Variants in GARIN2 observed in about 807,000 individuals in gnomAD.
The protein encoded by GARIN2 is golgi associated RAB2 interactor family member 2, also known as Golgi-associated RAB2 interactor protein 2.
the GARIN2 span, among the ~76,000 whole-genome samples, chr14:67,192,680 T>A: frequency 9.2e-5 from 14 of 151,888 alleles, no homozygotes; most frequent in East Asian, 2.7e-3. Context: ...ATGTTCCAAA[T>A]AGCTTGACAC....
the GARIN2 span, chr14:67,227,537 A>G: frequency 6.6e-6 from 1 of 151,930 alleles, no homozygotes; most frequent in Non-Finnish European, 1.5e-5. Flanking sequence ...TTTTAATGGT[A>G]GAAAAAGTTA....
chr14:67,203,138 C>T, the GARIN2 span: 1 of 1,613,858 alleles, frequency 6.2e-7, no homozygotes, highest in Non-Finnish European at 8.5e-7. Flanking sequence ...ACCGAGCCAA[C>T]TGGGTGACCG....
chr14:67,213,412 G>A, the GARIN2 span, among the ~76,000 whole-genome samples: 1 of 143,736 alleles, frequency 7.0e-6, no homozygotes, highest in Non-Finnish European at 1.5e-5. Context: ...AGAATATGCG[G>A]TGTTTGGTTT....
At chr14:67,199,291 CAGA>C in the GARIN2 span, 6 of 1,604,506 alleles carry the variant, frequency 3.7e-6, no homozygotes, top group Non-Finnish European at 4.3e-6. Context: ...TGAACATGAT[CAGA>C]CTCTATGGGA....
At chr14:67,206,373 G>A in the GARIN2 span, among the ~76,000 whole-genome samples, 2 of 152,160 alleles carry the variant, frequency 1.3e-5, no homozygotes, top group Non-Finnish European at 2.9e-5. Flanking sequence ...GTGGGTGCCT[G>A]TAATCCCAGC....
chr14:67,201,884 C>G, the GARIN2 span: 1 of 179,460 alleles, frequency 5.6e-6, no homozygotes, highest in African/African-American at 2.4e-5. Context: ...GCCCATCCTC[C>G]AGTCTCTTCT....
chr14:67,222,800 A>G, the GARIN2 span, among the ~76,000 whole-genome samples: 1 of 152,300 alleles, frequency 6.6e-6, no homozygotes, highest in South Asian at 2.1e-4. Flanking sequence ...AGCTTCAGTC[A>G]TGCACATAAA....
At chr14:67,199,062 A>G in the GARIN2 span, 3 of 827,386 alleles carry the variant, frequency 3.6e-6, no homozygotes, top group East Asian at 2.5e-5. Flanking sequence ...CTCTTTTGCC[A>G]TGGCTACCAG....
chr14:67,203,718 G>A, the GARIN2 span, among the ~76,000 whole-genome samples: 3 of 151,990 alleles, frequency 2.0e-5, no homozygotes, highest in East Asian at 1.9e-4. Flanking sequence ...ACATTCTGAC[G>A]TGTTTTGTTT....
chr14:67,221,731 T>A, the GARIN2 span: 20 of 1,606,484 alleles, frequency 1.2e-5, no homozygotes, highest in Non-Finnish European at 1.6e-5. Flanking sequence ...TTCTAAATAT[T>A]TGTGGTTATG....
chr14:67,219,117 T>G, the GARIN2 span, among the ~76,000 whole-genome samples: 1 of 152,020 alleles, frequency 6.6e-6, no homozygotes, highest in African/African-American at 2.4e-5. Context: ...GAGTAGGAAG[T>G]GCATACCTTG....
chr14:67,196,223 C>CTTTTTTTTTTTTTTTTTTT, the GARIN2 span, among the ~76,000 whole-genome samples: 1 of 143,118 alleles, frequency 7.0e-6, no homozygotes, highest in African/African-American at 2.6e-5. Flanking sequence ...TTCTTTCTTT[C>CTTTTTTTTTTTTTTTTTTT]TTTTTTTTTT....
At chr14:67,214,825 A>G in the GARIN2 span, among the ~76,000 whole-genome samples, 1 of 152,018 alleles carries the variant, frequency 6.6e-6, no homozygotes. Context: ...ATTTATTTGT[A>G]TCCTCTTTGA....
the GARIN2 span, among the ~76,000 whole-genome samples, chr14:67,192,324 C>A: frequency 6.6e-6 from 1 of 152,132 alleles, no homozygotes; most frequent in Non-Finnish European, 1.5e-5. Flanking sequence ...TAGCCCATAA[C>A]AACCCTGCTT....
the GARIN2 span, chr14:67,200,292 C>T: frequency 1.4e-6 from 1 of 694,046 alleles, no homozygotes; most frequent in South Asian, 1.7e-5. Context: ...ACCAGTTGCC[C>T]CTCGAGGCCC....
At chr14:67,212,243 A>G in the GARIN2 span, among the ~76,000 whole-genome samples, 3 of 152,160 alleles carry the variant, frequency 2.0e-5, no homozygotes, top group Admixed American at 1.3e-4. Flanking sequence ...ATTGTCACTA[A>G]TAATTCATTT....
At chr14:67,192,885 T>G in the GARIN2 span, among the ~76,000 whole-genome samples, 1 of 146,438 alleles carries the variant, frequency 6.8e-6, no homozygotes, top group South Asian at 2.1e-4. Context: ...TAGATATATA[T>G]CTAGATATCG....
chr14:67,205,198 A>T, the GARIN2 span: 1 of 1,121,888 alleles, frequency 8.9e-7, no homozygotes, highest in East Asian at 2.6e-5. Flanking sequence ...TATGGAACCT[A>T]CCTACTCCGA....
At chr14:67,215,516 C>A in the GARIN2 span, among the ~76,000 whole-genome samples, 3 of 144,652 alleles carry the variant, frequency 2.1e-5, no homozygotes, top group South Asian at 4.2e-4. Context: ...GATTAAAAAA[C>A]AACAACAACA....
Sources: allele counts gnomAD v4.1 joint callset (sites outside exome capture counted in the v4.1 genomes callset), GRCh38; gene constraint gnomAD v4.1.1; transcripts MANE v1.5; gene names NCBI Gene and HGNC (gene_info 2026-07-23, HGNC 2026-07-21).